Variants in ATF2 observed in about 807,000 individuals in gnomAD.
ATF2 encodes cyclic AMP-dependent transcription factor ATF-2.
A neutral mutation model predicts 60.6 loss-of-function variants in ATF2; 24 were observed. The ratio of observed to expected loss-of-function variants is 0.40; its 90% CI spans 0.29 to 0.56. The LOEUF (loss-of-function observed/expected upper bound fraction) is 0.56, where lower values mean the gene tolerates loss of function less well. ATF2 is among the 20% of genes least tolerant of loss of function. The pLI, the probability that ATF2 is intolerant of heterozygous loss-of-function variation, is 0.54. For missense variants in ATF2, 433 were observed against 607.7 expected (o/e 0.71, Z 3.02); for synonymous variants, 206 against 215.4 (o/e 0.96, Z 0.38).
At chr2:175,132,500 C>T (rs975637724) in intron 3 of ATF2, among the ~76,000 whole-genome samples, 2 of 152,122 alleles carry the variant, frequency 1.3e-5, no homozygotes, top group Non-Finnish European at 2.9e-5. Context: ...ACAAACAAAC[C>T]AGAATTTCTT....
chr2:175,111,412 T>C (rs931343897), intron 10 of ATF2, among the ~76,000 whole-genome samples, 156 bp downstream of exon 10: 4 of 152,238 alleles, frequency 2.6e-5, no homozygotes, highest in Non-Finnish European at 4.4e-5. Context: ...TAAAGGAAGA[T>C]TTCTTTTTTC....
intron 13 of ATF2, among the ~76,000 whole-genome samples, chr2:175,078,553 T>C (rs212352): frequency 0.34 from 51,906 of 152,086 alleles, 9,500 homozygotes; most frequent in African/African-American, 0.48. Flanking sequence ...TCTTAGGAAG[T>C]AGGACTTTCA....
chr2:175,080,711 C>A lies in ATF2; in HGVS notation c.1240G>T (p.Ala414Ser), dbSNP rs1371621433. Residue 414 changes from alanine to serine, a missense_variant, in exon 13 of 14, where the codon GCT becomes TCT. Ala to Ser is a moderately conservative substitution (Grantham distance 99). Around this residue, in one of 5 missense-constraint regions of ATF2, gnomAD observed 24 missense variants for 75.4 expected, o/e 0.32. Coordinates refer to ENST00000264110, the MANE Select transcript of ATF2 (RefSeq NM_001880.4). ...EVAQLKQLLL[A>S]HKDCPVTAMQ... ...GCGGTTACAGGGCAATCTTTATGAGCCAGAAGAAGCTGTTTCAGCTGTGCC... is the reference window on the plus strand; with the variant it reads ...GCGGTTACAGGGCAATCTTTATGAGACAGAAGAAGCTGTTTCAGCTGTGCC... 1 of 1,613,116 alleles carries A rather than the reference C, an allele frequency of 6.2e-7. No homozygotes were observed. The highest frequency in any genetic ancestry group is 8.5e-7 in the Non-Finnish European group (1 of 1,179,378).
At chr2:175,118,648 T>C (rs1696747539) in intron 5 of ATF2, among the ~76,000 whole-genome samples, 1 of 151,310 alleles carries the variant, frequency 6.6e-6, no homozygotes, top group East Asian at 1.9e-4. Context: ...AAACATCCTC[T>C]ACTCAAGAGA....
At chr2:175,141,246 T>A (rs1698516760) in intron 2 of ATF2, among the ~76,000 whole-genome samples, 1 of 151,350 alleles carries the variant, frequency 6.6e-6, no homozygotes, top group Non-Finnish European at 1.5e-5. Flanking sequence ...TCACCCTAGT[T>A]TTTTTCCCTC....
intron 1 of ATF2, among the ~76,000 whole-genome samples, chr2:175,165,131 AT>A (rs34135617): frequency 6.6e-6 from 1 of 151,772 alleles, no homozygotes; most frequent in African/African-American, 2.4e-5. Flanking sequence ...CTAAGGTGGG[AT>A]TTTTTTTAGG....
Position 175,108,376 on chromosome 2 carries a change from C to T in ATF2, c.828+3192G>A, listed in dbSNP as rs553799526. ...CTCGTCCGGGAGGGAGGTGGGGGGT[C>T]AGCGTCCACCCGGCCAGCCGCCCCG... On this transcript the variant is annotated intron_variant, in intron 10 of 13. Transcript: ENST00000264110. 2.1e-4 allele frequency among the ~76,000 whole-genome samples: 30 copies of T among 146,092 alleles called. No individual in the cohort carries two copies. In the East Asian group the frequency reaches 6.1e-3, roughly 29 times the overall value.
In ATF2 at chr2:175,074,685, G is replaced by A. The variant is rs753454204; in HGVS notation, c.1442C>T (p.Ala481Val). Residue 481 changes from alanine to valine, a missense_variant, in exon 14 of 14, where the codon GCG becomes GTG. This residue lies in a region of ATF2 where 114 missense variants were observed against 104.0 expected (regional missense o/e 1.10). Transcript: ENST00000264110. ...AAGAGCAGGCTCTGTACTCTGGTCC[G>A]CCATCTGGGTGAGGACTGAAGTGGC... ...AVATSVLTQM[A>V]DQSTEPALSQ... 1.9e-6 allele frequency: 3 copies of A among 1,613,398 alleles called. No homozygotes were observed. Among genetic ancestry groups the A allele is most frequent in the South Asian group, 1.1e-5 (1 of 91,074 alleles).
chr2:175,092,904 C>T (rs1053477752), intron 12 of ATF2, among the ~76,000 whole-genome samples, 157 bp downstream of exon 12: 1 of 151,942 alleles, frequency 6.6e-6, no homozygotes, highest in African/African-American at 2.4e-5. Context: ...TCTCAGCATC[C>T]AAACAAACAG....
intron 12 of ATF2, among the ~76,000 whole-genome samples, chr2:175,090,988 G>A (rs964014817): frequency 2.0e-5 from 3 of 152,146 alleles, no homozygotes; most frequent in African/African-American, 7.2e-5. Context: ...CAGTGCTGCA[G>A]TGTAACTATG....
rs1399976509 is a variant in ATF2 at position 175,118,240 on chromosome 2, T to C, written c.318+11A>G. On this transcript the variant is annotated intron_variant, in intron 6 of 13. Coordinates refer to ENST00000264110, the MANE Select transcript of ATF2 (RefSeq NM_001880.4). ...GAAGTACTCTTTTTAAATTTCATGG[T>C]TACAACATACTTTTTTAATGTCATC... 6.2e-7 allele frequency: 1 copy of C among 1,601,756 alleles called. No homozygotes were observed. The highest frequency in any genetic ancestry group is 1.7e-5 in the Admixed American group (1 of 57,992).
rs1056430869 is a variant in ATF2, at chr2:175,165,309, C to A, written c.-143+2741G>T. On this transcript the variant is annotated intron_variant, in intron 1 of 13. Transcript: ENST00000264110. ...TCAACTACTTTATATTCTCCAATGA[C>A]ATTTTAGTAAGAATAAAAAAGAGAA... Among the ~76,000 whole-genome samples the A allele has an allele frequency of 3.3e-4, 50 of 152,212 alleles. 1 individual carries two copies. The highest frequency in any genetic ancestry group is 3.4e-3 in the Middle Eastern group (1 of 294).
rs188875772 is a variant in ATF2, at chr2:175,074,642, A to G, written c.1485T>C (p.Ala495=). 14 of 1,613,146 alleles carry G rather than the reference A, an allele frequency of 8.7e-6. No homozygotes were observed. The East Asian group carries it at 3.1e-4, about 36-fold the overall frequency. ...CTGAGGGCTGTGACTGGGAGGAAGGAGCCATAACGATCTGTGAAAGAGCAG... is the reference window on the plus strand; with the variant it reads ...CTGAGGGCTGTGACTGGGAGGAAGGGGCCATAACGATCTGTGAAAGAGCAG... ...TEPALSQIVM[A]PSSQSQPSGS The change falls in exon 14 of 14, where the codon GCT becomes GCC. Residue 495 remains alanine, a synonymous_variant. Transcript: ENST00000264110.
At chr2:175,104,561 G>C (rs1695517144) in intron 10 of ATF2, among the ~76,000 whole-genome samples, 1 of 152,096 alleles carries the variant, frequency 6.6e-6, no homozygotes, top group Admixed American at 6.6e-5. Flanking sequence ...CACTTATTTG[G>C]AGAATGTGGA....
rs554739451 is a variant in ATF2, at chr2:175,165,350, T to C, written c.-143+2700A>G. Among the ~76,000 whole-genome samples the C allele has an allele frequency of 7.5e-4, 114 of 152,310 alleles. 4 individuals carry two copies. The highest frequency in any genetic ancestry group is 9.1e-4 in the African/African-American group (38 of 41,584). On this transcript the variant is annotated intron_variant, in intron 1 of 13. Coordinates refer to ENST00000264110, the MANE Select transcript of ATF2 (RefSeq NM_001880.4). ...AAAAAGAGAAAGAAATGCCTACTTA[T>C]AGGTATATTTCATATTGGAAGGAAG...
intron 1 of ATF2, among the ~76,000 whole-genome samples, chr2:175,158,415 TC>T (rs376072414): frequency 1.3e-4 from 20 of 152,088 alleles, no homozygotes; most frequent in African/African-American, 4.6e-4. Context: ...GAGTGACCGG[TC>T]TCACGATGTT....
intron 2 of ATF2, among the ~76,000 whole-genome samples, chr2:175,142,835 A>AGTGT (rs554677403): frequency 1.4e-4 from 20 of 140,298 alleles, no homozygotes; most frequent in African/African-American, 4.5e-4. Flanking sequence ...CAAGAGAGAG[A>AGTGT]GTGTGTGTGT....
chr2:175,140,800 A>G (rs1698451927), intron 2 of ATF2, among the ~76,000 whole-genome samples: 1 of 148,476 alleles, frequency 6.7e-6, no homozygotes, highest in Non-Finnish European at 1.5e-5. Context: ...ACCCTGGGGA[A>G]CATAAGGTTC....
intron 2 of ATF2, among the ~76,000 whole-genome samples, chr2:175,143,341 A>G (rs924126911): frequency 2.6e-5 from 4 of 152,204 alleles, no homozygotes; most frequent in African/African-American, 9.6e-5. Flanking sequence ...AAATGCAATT[A>G]TCTAAATTCT....
Sources: allele counts gnomAD v4.1 joint callset (sites outside exome capture counted in the v4.1 genomes callset), GRCh38; gene constraint gnomAD v4.1.1; regional missense constraint gnomAD v4.1.1; transcripts MANE v1.5; gene names NCBI Gene and HGNC (gene_info 2026-07-23, HGNC 2026-07-21).